The following PLCH2 variants were observed in gnomAD, a reference collection of about 807,000 sequenced individuals.
The protein encoded by PLCH2 is phospholipase C eta 2.
Under a neutral mutation model 134.7 loss-of-function variants are expected in PLCH2, and 98 were observed. That is an observed-to-expected ratio of 0.73 (90% CI 0.62 to 0.86). PLCH2 has a LOEUF of 0.86. Among genes scored for constraint, PLCH2 ranks in the 40% least tolerant of loss-of-function variants. PLCH2 has a pLI of 0.00. For synonymous variants in PLCH2, 974 were observed against 827.5 expected, an observed-to-expected ratio of 1.18 and a Z score of -3.04; for missense variants, 1,994 against 1,986.6, an observed-to-expected ratio of 1.00 and a Z score of -0.07.
At chr1:2,466,431 C>T (rs1408239530), upstream of PLCH2, among the ~76,000 whole-genome samples, 5 of 152,240 alleles carry the variant, frequency 3.3e-5, no homozygotes, top group Admixed American at 1.3e-4. Context: ...GCCCAGGGGC[C>T]TTCCTTGGCA....
the PLCH2 span, among the ~76,000 whole-genome samples, chr1:2,418,493 C>A: frequency 4.6e-5 from 7 of 152,238 alleles, no homozygotes; most frequent in African/African-American, 1.7e-4. Context: ...TGGCATTGGG[C>A]CCCACCCACT....
chr1:2,428,601 G>T (rs1638916654), intron 1 of PLCH2, among the ~76,000 whole-genome samples: 1 of 152,262 alleles, frequency 6.6e-6, no homozygotes, highest in Non-Finnish European at 1.5e-5. Flanking sequence ...GCCTAATTAG[G>T]TTGGACTGTG....
At chr1:2,434,622 G>A (rs535647635) in intron 2 of PLCH2, among the ~76,000 whole-genome samples, 66 of 152,328 alleles carry the variant, frequency 4.3e-4, no homozygotes, top group African/African-American at 1.5e-3. Context: ...CTCCAGTCCC[G>A]GAAGGGCCAA....
upstream of PLCH2, among the ~76,000 whole-genome samples, chr1:2,424,459 A>T (rs1304812172): frequency 1.3e-5 from 2 of 152,184 alleles, no homozygotes; most frequent in Non-Finnish European, 2.9e-5. Context: ...TATAAGTGAG[A>T]AGATGTGGTA....
chr1:2,491,017 G>A (rs1642545789), intron 10 of PLCH2, among the ~76,000 whole-genome samples, 175 bp from the exon 11 acceptor site: 1 of 152,254 alleles, frequency 6.6e-6, no homozygotes, highest in African/African-American at 2.4e-5. Context: ...GCTGCTGGAG[G>A]AGTCGGGTGG....
intron 19 of PLCH2, 80 bp downstream of exon 19, chr1:2,499,310 A>T: frequency 5.9e-6 from 9 of 1,518,504 alleles, no homozygotes; most frequent in Non-Finnish European, 8.1e-6. Flanking sequence ...CCTGTGAGTC[A>T]GTGCCTGTGT....
At chr1:2,488,138 C>A (rs966418715) in intron 8 of PLCH2, among the ~76,000 whole-genome samples, 4 of 152,230 alleles carry the variant, frequency 2.6e-5, no homozygotes, top group African/African-American at 9.6e-5. Context: ...ACCTTCAAGT[C>A]TTGGCTACAT....
chr1:2,504,797 A>T lies in PLCH2; in HGVS notation c.3835A>T (p.Ser1279Cys). 1 of 1,612,016 alleles carries T rather than the reference A, an allele frequency of 6.2e-7. No individual in the cohort carries two copies. Among genetic ancestry groups the T allele is most frequent in the Non-Finnish European group, 8.5e-7 (1 of 1,179,614 alleles). ...FEGGSRRLSH[S>C]LGLPGGTRRV... ...GGGCGGCTCCCGCAGACTGAGCCAC[A>T]GCCTGGGCCTCCCGGGAGGGACACG... Residue 1279 changes from serine (S) to cysteine (C), a missense_variant, in exon 22 of 22, where the codon AGC becomes TGC. Ser to Cys is a moderately radical substitution (Grantham distance 112). Coordinates refer to ENST00000378486, the MANE Select transcript of PLCH2 (RefSeq NM_014638.4).
In PLCH2 at chr1:2,498,213, G is replaced by A. The variant is rs890263805; in HGVS notation, c.2225-310G>A. The A allele has an allele frequency of 1.0e-5, 4 of 396,854 alleles. No homozygotes were observed. Among genetic ancestry groups the A allele is most frequent in the Non-Finnish European group, 9.2e-6 (2 of 218,092 alleles). 24.6% of individuals were successfully genotyped at this position (396,854 alleles called of 1,614,324 possible). On this transcript the variant is annotated intron_variant, in intron 16 of 21. Transcript: ENST00000378486. This position sits in a 1 kb window ranked among gnomAD's most constrained non-coding sequence, Gnocchi z 5.4. ...AGCCTGAGTGGGCCCTGGGGACACT[G>A]TCACCAGAGACCCCACCCCTCATAC...
intron 11 of PLCH2, chr1:2,494,269 GC>G (rs1175200668): frequency 5.0e-5 from 8 of 160,940 alleles, no homozygotes; most frequent in Non-Finnish European, 1.1e-4. Context: ...CCTGGGTTCG[GC>G]GGGGGGCAGG....
At chr1:2,435,171 C>T (rs978491885) in intron 2 of PLCH2, among the ~76,000 whole-genome samples, 7 of 152,128 alleles carry the variant, frequency 4.6e-5, no homozygotes, top group African/African-American at 1.7e-4. Context: ...CTCACCAGGA[C>T]GAAGGAGAGC....
At chr1:2,473,456 G>C (rs757964011), upstream of PLCH2, among the ~76,000 whole-genome samples, 1 of 152,226 alleles carries the variant, frequency 6.6e-6, no homozygotes, top group African/African-American at 2.4e-5. Context: ...CCACCCATCC[G>C]CCCATCTGGG....
intron 11 of PLCH2, chr1:2,492,318 G>C (rs1256315152): frequency 6.6e-6 from 1 of 152,270 alleles, no homozygotes; most frequent in African/African-American, 2.4e-5. Context: ...GCTCTTGCAG[G>C]GCCCGAGCTG....
At chr1:2,484,221 A>T (rs912273369) in intron 4 of PLCH2, among the ~76,000 whole-genome samples, 1 of 152,072 alleles carries the variant, frequency 6.6e-6, no homozygotes, top group Non-Finnish European at 1.5e-5. Context: ...GGTGAAAAGC[A>T]TATGGCTTCA....
upstream of PLCH2, among the ~76,000 whole-genome samples, chr1:2,422,979 C>T (rs1053253757): frequency 6.6e-6 from 1 of 152,114 alleles, no homozygotes; most frequent in African/African-American, 2.4e-5. Context: ...TAAATATTAT[C>T]CCAAAATCAC....
intron 2 of PLCH2, among the ~76,000 whole-genome samples, chr1:2,436,854 G>A (rs937663988): frequency 1.1e-4 from 17 of 152,242 alleles, no homozygotes; most frequent in Non-Finnish European, 1.0e-4. Flanking sequence ...GGTAGGTGGG[G>A]ACCTGCAGGC....
upstream of PLCH2, among the ~76,000 whole-genome samples, chr1:2,472,568 G>A (rs1305784772): frequency 6.6e-6 from 1 of 152,208 alleles, no homozygotes; most frequent in African/African-American, 2.4e-5. Context: ...ACTCTTGGTG[G>A]CCCTGGAGGG....
chr1:2,469,815 C>T (rs1570369479), intron 1 of PLCH2, among the ~76,000 whole-genome samples: 1 of 152,196 alleles, frequency 6.6e-6, no homozygotes, highest in Admixed American at 6.5e-5. Flanking sequence ...AGTTGGTGGA[C>T]ACCATCCCCA....
intron 2 of PLCH2, among the ~76,000 whole-genome samples, chr1:2,459,571 G>A (rs542591814): frequency 7.1e-6 from 1 of 141,462 alleles, no homozygotes; most frequent in African/African-American, 2.7e-5. Context: ...CCTCCTTGCC[G>A]GTGGTCCTCC....
Sources: allele counts gnomAD v4.1 joint callset (sites outside exome capture counted in the v4.1 genomes callset), GRCh38; gene constraint gnomAD v4.1.1; non-coding constraint Gnocchi (gnomAD v3.1); transcripts MANE v1.5; gene names NCBI Gene and HGNC (gene_info 2026-07-23, HGNC 2026-07-21).